GMPR: variants seen among roughly 807,000 people sequenced by gnomAD.
The protein encoded by GMPR is guanosine monophosphate reductase.
In GMPR, 31 loss-of-function variants were observed where a neutral mutation model predicts 38.4. That is an observed-to-expected ratio of 0.81 (90% CI 0.61 to 1.09). The LOEUF (loss-of-function observed/expected upper bound fraction) is 1.09, where lower values mean the gene tolerates loss of function less well. GMPR is among the 50% of genes least tolerant of loss of function. GMPR has a pLI of 0.00. For synonymous variants in GMPR, 162 were observed against 173.3 expected, an observed-to-expected ratio of 0.93 and a Z score of 0.51; for missense variants, 468 against 453.7, an observed-to-expected ratio of 1.03 and a Z score of -0.29.
chr6:16,260,944 G>A (rs1199409486), intron 4 of GMPR, among the ~76,000 whole-genome samples: 3 of 152,126 alleles, frequency 2.0e-5, no homozygotes, highest in Non-Finnish European at 2.9e-5. Context: ...TGAAGGAGCC[G>A]GGGAGCAGAA....
At chr6:16,246,393 C>T (rs988298207) in intron 1 of GMPR, among the ~76,000 whole-genome samples, 6 of 152,028 alleles carry the variant, frequency 3.9e-5, no homozygotes, top group African/African-American at 1.5e-4. Context: ...GGGTAAAAGG[C>T]GAAGGGATTA....
intron 3 of GMPR, among the ~76,000 whole-genome samples, chr6:16,252,542 T>G (rs1317235165): frequency 6.6e-6 from 1 of 152,164 alleles, no homozygotes; most frequent in Non-Finnish European, 1.5e-5. Context: ...CCGGCCTCCC[T>G]CCACCTTCTT....
intron 6 of GMPR, among the ~76,000 whole-genome samples, chr6:16,281,160 C>A (rs1218025740): frequency 6.6e-6 from 1 of 152,196 alleles, no homozygotes; most frequent in African/African-American, 2.4e-5. Context: ...GAACTTGTTA[C>A]AAATTCTTGG....
At chr6:16,269,216 C>A (rs1380443595) in intron 4 of GMPR, among the ~76,000 whole-genome samples, 1 of 151,830 alleles carries the variant, frequency 6.6e-6, no homozygotes, top group South Asian at 2.1e-4. Flanking sequence ...CTTTGTAAAC[C>A]TTTTAAGGAC....
At position 16,266,230 on chromosome 6, in the gene GMPR, C is replaced by T. The variant is rs1427670296; in HGVS notation, c.466-8185C>T. On this transcript the variant is annotated intron_variant, in intron 4 of 8. Coordinates refer to ENST00000259727, the MANE Select transcript of GMPR (RefSeq NM_006877.4). ...TCGCTGCGAAGAATGAAGAACGCCG[C>T]GCGCACCACCTTTAAGAGCTGTAAC... is the stretch of plus-strand genomic sequence containing the variant. Among the ~76,000 whole-genome samples, 4 of 151,256 alleles carry T rather than the reference C, an allele frequency of 2.6e-5. No individual in the cohort carries two copies. In the East Asian group the frequency reaches 5.9e-4, roughly 22 times the overall value.
chr6:16,246,886 C>T lies in GMPR; in HGVS notation c.132C>T (p.Thr44=). The T allele has an allele frequency of 6.2e-7, 1 of 1,613,460 alleles. No individual in the cohort carries two copies. The highest frequency in any genetic ancestry group is 8.5e-7 in the Non-Finnish European group (1 of 1,179,430). Residue 44 remains threonine (T), a synonymous_variant, in exon 2 of 9, where the codon ACC becomes ACT. Coordinates refer to ENST00000259727, the MANE Select transcript of GMPR (RefSeq NM_006877.4). The stretch of plus-strand genomic sequence containing the variant: ...TCACGTTTCGAAATTCAAAGCAGAC[C>T]TACTCAGGGATTCCCATCATCGTGG... The part of the protein sequence containing the change: ...RTFTFRNSKQ[T]YSGIPIIVAN...
chr6:16,267,278 A>G (rs1759271111), intron 4 of GMPR, among the ~76,000 whole-genome samples: 2 of 152,120 alleles, frequency 1.3e-5, no homozygotes, highest in Admixed American at 6.5e-5. Flanking sequence ...AGGCTGAGGC[A>G]GGAGAATTGC....
intron 4 of GMPR, chr6:16,262,948 G>A (rs955892054): frequency 6.6e-6 from 1 of 151,998 alleles, no homozygotes; most frequent in African/African-American, 2.4e-5. Context: ...GAAACTGTAA[G>A]CCAGACTGTG....
intron 6 of GMPR, among the ~76,000 whole-genome samples, chr6:16,282,765 T>C: frequency 6.6e-6 from 1 of 152,214 alleles, no homozygotes. Context: ...TTCCTTTTTG[T>C]TTTTTCATTG....
intron 1 of GMPR, 41 bp downstream of exon 1, chr6:16,238,821 T>G: frequency 8.2e-7 from 1 of 1,215,572 alleles, no homozygotes; most frequent in Non-Finnish European, 1.1e-6. Flanking sequence ...GGGATTTTTT[T>G]TTCCGGGTGG....
chr6:16,266,646 CAAA>C (rs568746936), intron 4 of GMPR, among the ~76,000 whole-genome samples: 2 of 150,452 alleles, frequency 1.3e-5, no homozygotes, highest in South Asian at 2.1e-4. Flanking sequence ...ACTAAAAGTA[CAAA>C]AAAAAGAAAA....
At chr6:16,286,814 G>A (rs1481076377) in intron 7 of GMPR, among the ~76,000 whole-genome samples, 1 of 152,056 alleles carries the variant, frequency 6.6e-6, no homozygotes, top group Non-Finnish European at 1.5e-5. Flanking sequence ...GCCAAGGTGG[G>A]AGAATCGCTT....
chr6:16,261,397 G>C (rs936394792), intron 4 of GMPR, among the ~76,000 whole-genome samples: 1 of 146,386 alleles, frequency 6.8e-6, no homozygotes, highest in Non-Finnish European at 1.5e-5. Flanking sequence ...TGAGCCTGAC[G>C]GGTGTCAGGG....
intron 4 of GMPR, 66 bp downstream of exon 4, chr6:16,254,801 A>G (rs555164020): frequency 1.1e-4 from 123 of 1,148,986 alleles, no homozygotes; most frequent in Middle Eastern, 2.0e-4. Context: ...GAGTTGTTCA[A>G]TGTGTCGGGG....
intron 4 of GMPR, among the ~76,000 whole-genome samples, chr6:16,266,885 C>T (rs768030271): frequency 6.0e-5 from 9 of 150,946 alleles, no homozygotes; most frequent in South Asian, 4.2e-4. Context: ...CCGGGAGGAA[C>T]GAACAACTCC....
At position 16,258,115 on chromosome 6, in the gene GMPR, G is replaced by A. The variant is rs1010300109; in HGVS notation, c.465+3380G>A. 4 of 152,216 alleles carry A rather than the reference G, an allele frequency of 2.6e-5. No homozygotes were observed. The East Asian group carries it at 5.8e-4, about 22-fold the overall frequency. 9.4% of individuals were successfully genotyped at this position (152,216 alleles called of 1,614,324 possible). Reference sequence around the variant, plus strand: ...GTGCCACCTTCACTAGCATTTGCTCGTCTCTGGTGAGTGTCATCAAGGGCA... The same window carrying A: ...GTGCCACCTTCACTAGCATTTGCTCATCTCTGGTGAGTGTCATCAAGGGCA... On this transcript the variant is annotated intron_variant, in intron 4 of 8. Transcript: ENST00000259727.
In GMPR at chr6:16,289,293, C is replaced by T. The variant is rs951246722; in HGVS notation, c.698-1169C>T. ...GGCTTCATTCTTGAAGTCAGTGAGA[C>T]CAAGAACCCACCAGTTCCGAACACA... On this transcript the variant is annotated intron_variant, in intron 7 of 8. Coordinates refer to ENST00000259727, the MANE Select transcript of GMPR (RefSeq NM_006877.4). Among the ~76,000 whole-genome samples, 15 of 152,166 alleles carry T rather than the reference C, an allele frequency of 9.9e-5. 1 individual carries two copies. The highest frequency in any genetic ancestry group is 3.9e-4 in the Admixed American group (6 of 15,272).
chr6:16,263,276 T>A (rs1759122800), intron 4 of GMPR: 1 of 151,884 alleles, frequency 6.6e-6, no homozygotes, highest in Non-Finnish European at 1.5e-5. Context: ...TATTTAGATC[T>A]TGTAGGATGG....
chr6:16,242,006 C>G (rs575653434), intron 1 of GMPR, among the ~76,000 whole-genome samples: 1 of 151,714 alleles, frequency 6.6e-6, no homozygotes, highest in Non-Finnish European at 1.5e-5. Context: ...CCCAAAGTGC[C>G]GGGATTACAG....
Sources: allele counts gnomAD v4.1 joint callset (sites outside exome capture counted in the v4.1 genomes callset), GRCh38; gene constraint gnomAD v4.1.1; transcripts MANE v1.5; gene names NCBI Gene and HGNC (gene_info 2026-07-23, HGNC 2026-07-21).